The following DDX24 variants were observed in gnomAD, a reference collection of about 807,000 sequenced individuals.
DDX24 encodes ATP-dependent RNA helicase DDX24.
In DDX24, 24 loss-of-function variants were observed where a neutral mutation model predicts 68.9. The observed-to-expected ratio is 0.35, with a 90% CI of 0.25 to 0.49. DDX24 has a LOEUF of 0.49. DDX24 is among the 20% of genes least tolerant of loss of function. DDX24 has a pLI of 0.99. For missense variants in DDX24, 989 were observed against 1,039.0 expected (o/e 0.95, Z 0.66); for synonymous variants, 395 against 385.2 (o/e 1.03, Z -0.30).
rs1029367613 is a variant in DDX24 at position 94,049,271 on chromosome 14, C to G, written c.*1920G>C. On this transcript the variant is annotated 3_prime_UTR_variant, in exon 9 of 9. Transcript: ENST00000621632. ...TGGCTTCACTCCCACGGCTCAGGTG[C>G]CATTAGGGGATATTAAGCCCGCTTA... 2.0e-5 allele frequency: 3 copies of G among 152,220 alleles called. No individual in the cohort carries two copies. Among genetic ancestry groups the G allele is most frequent in the Non-Finnish European group, 4.4e-5 (3 of 68,040 alleles). 9.4% of individuals were successfully genotyped at this position (152,220 alleles called of 1,614,324 possible). A position where few individuals can be genotyped will look rare whatever the true frequency, so the allele number is the denominator to read the frequency against.
chr14:94,079,805 G>A, intron 1 of DDX24, 58 bp from the exon 2 acceptor site: 2 of 1,494,188 alleles, frequency 1.3e-6, no homozygotes, highest in South Asian at 1.2e-5. Context: ...GGGTTCTGAT[G>A]TAACAAATAT....
chr14:94,062,651 A>T, intron 2 of DDX24, 30 bp from the exon 3 acceptor site: 5 of 1,559,318 alleles, frequency 3.2e-6, no homozygotes, highest in Non-Finnish European at 4.3e-6. Context: ...AACAAAGTAA[A>T]AACAGTGTGA....
chr14:94,076,361 A>G (rs915205532), intron 2 of DDX24, among the ~76,000 whole-genome samples: 1 of 152,198 alleles, frequency 6.6e-6, no homozygotes, highest in Non-Finnish European at 1.5e-5. Context: ...AGTACATATT[A>G]TATGATTTCA....
chr14:94,062,201 C>T lies in DDX24; in HGVS notation c.1139G>A (p.Cys380Tyr). 6.2e-7 allele frequency: 1 copy of T among 1,614,150 alleles called. No individual in the cohort carries two copies. The part of the protein sequence containing the change: ...KQELDDKSAT[C>Y]KAYPKRPLLG... ...CAGAGGACGCTTTGGATATGCCTTA[C>T]AGGTGGCGCTTTTGTCATCCAACTC... The change falls in exon 3 of 9, where the codon TGT becomes TAT. Residue 380 changes from cysteine (C) to tyrosine (Y), a missense_variant. Physicochemically the swap from Cys to Tyr is radical, Grantham distance 194 (BLOSUM62 -2). Coordinates refer to ENST00000621632, the MANE Select transcript of DDX24 (RefSeq NM_020414.4).
At chr14:94,058,969 G>C (rs2141424676) in intron 5 of DDX24, among the ~76,000 whole-genome samples, 1 of 152,274 alleles carries the variant, frequency 6.6e-6, no homozygotes, top group African/African-American at 2.4e-5. Context: ...AGGTGTGATG[G>C]CATGCACTGG....
In DDX24 at chr14:94,060,268, G is replaced by A; in HGVS notation, c.1743C>T (p.Tyr581=). 2 of 1,614,222 alleles carry A rather than the reference G, an allele frequency of 1.2e-6. No individual in the cohort carries two copies. The highest frequency in any genetic ancestry group is 1.7e-6 in the Non-Finnish European group (2 of 1,180,044). The change falls in exon 5 of 9, where the codon TAC becomes TAT. Residue 581 remains tyrosine (Y), a synonymous_variant. Coordinates refer to ENST00000621632, the MANE Select transcript of DDX24 (RefSeq NM_020414.4). Reference sequence around the variant, plus strand: ...TGCGGCCTGGATACTGCATCAGGAAGTAGTACAAGTAGAAGTCTTTCTCAT... The same window carrying A: ...TGCGGCCTGGATACTGCATCAGGAAATAGTACAAGTAGAAGTCTTTCTCAT... ...ETDEKDFYLY[Y]FLMQYPGRSL...
chr14:94,060,801 G>A (rs1469896731), intron 4 of DDX24, 112 bp downstream of exon 4: 4 of 1,500,074 alleles, frequency 2.7e-6, no homozygotes, highest in Non-Finnish European at 3.6e-6. Context: ...GGGTCTGGAT[G>A]ATACCACACC....
intron 2 of DDX24, 101 bp downstream of exon 2, chr14:94,078,924 G>A: frequency 7.7e-7 from 1 of 1,301,438 alleles, no homozygotes; most frequent in Non-Finnish European, 1.1e-6. Context: ...TGCTTTTGTG[G>A]TTATGTTCTT....
In DDX24 at chr14:94,067,084, C is replaced by CA. The variant is rs549226807; in HGVS notation, c.719-4464dup. Among the ~76,000 whole-genome samples the CA allele has an allele frequency of 2.8e-3, 419 of 151,944 alleles. 2 individuals carry two copies. The highest frequency in any genetic ancestry group is 9.8e-3 in the African/African-American group (408 of 41,464). On this transcript the variant is annotated intron_variant, in intron 2 of 8. Transcript: ENST00000621632. ...GATAAAGTCTCAATGCAAGGAAATC[C>CA]AAAAAATGATACAAGAAGTGGAGGG...
Position 94,055,178 on chromosome 14 carries a change from G to A in DDX24, c.1996C>T (p.Arg666Cys), listed in dbSNP as rs781281886. 5.6e-6 allele frequency: 9 copies of A among 1,612,442 alleles called. No individual in the cohort carries two copies. The highest frequency in any genetic ancestry group is 5.0e-5 in the Admixed American group (3 of 59,980). ...VQHVIHYQVPRTSEIYVHRSG... is the reference protein window; with the variant it reads ...VQHVIHYQVPCTSEIYVHRSG... ...CGGTGGACATAAATCTCCGAGGTAC[G>A]TGGGACCTGCCACAGGAAGAACTGG... Residue 666 changes from arginine to cysteine, a missense_variant, in exon 7 of 9, where the codon CGT (arginine) becomes TGT (cysteine). Arg to Cys is a radical substitution (Grantham distance 180, BLOSUM62 -3). Coordinates refer to ENST00000621632, the MANE Select transcript of DDX24 (RefSeq NM_020414.4).
chr14:94,079,365 C>A lies in DDX24; in HGVS notation c.378G>T (p.Glu126Asp). Residue 126 changes from glutamate (E) to aspartate (D), a missense_variant, in exon 2 of 9, where the codon GAG becomes GAT. By Grantham distance (45) the Glu-to-Asp change is conservative. Transcript: ENST00000621632. Reference sequence around the variant, plus strand: ...CACAAACCATGTCATCTCCCTGGGCCTCCAGCTCAGGATCTTTCACTTCAA... The same window carrying A: ...CACAAACCATGTCATCTCCCTGGGCATCCAGCTCAGGATCTTTCACTTCAA... ...KEFEVKDPEL[E>D]AQGDDMVCDD... 1 of 1,614,052 alleles carries A rather than the reference C, an allele frequency of 6.2e-7. No homozygotes were observed. Among genetic ancestry groups the A allele is most frequent in the South Asian group, 1.1e-5 (1 of 91,080 alleles).
At chr14:94,080,718 A>AG (rs146409065) in intron 1 of DDX24, among the ~76,000 whole-genome samples, 1,798 of 151,900 alleles carry the variant, frequency 0.012, 38 homozygotes, top group African/African-American at 0.041. Context: ...AACAAACAAA[A>AG]AAAAACACAA....
intron 6 of DDX24, 35 bp from the exon 7 acceptor site, chr14:94,055,219 C>T (rs776210917): frequency 3.8e-6 from 6 of 1,597,734 alleles, no homozygotes; most frequent in Non-Finnish European, 3.4e-6. Context: ...CAATACATGG[C>T]CACTGCCAAA....
intron 5 of DDX24, 54 bp downstream of exon 5, chr14:94,060,044 T>A: frequency 6.5e-7 from 1 of 1,543,304 alleles, no homozygotes; most frequent in Non-Finnish European, 8.7e-7. Flanking sequence ...TCCTGACCCC[T>A]TTTACCCCAG....
chr14:94,068,968 A>G (rs1885772002), intron 2 of DDX24, among the ~76,000 whole-genome samples: 1 of 152,130 alleles, frequency 6.6e-6, no homozygotes, highest in Non-Finnish European at 1.5e-5. Flanking sequence ...AGAAACAAGA[A>G]CAAACCAAAC....
At chr14:94,052,615 G>C (rs1278533058) in intron 8 of DDX24, among the ~76,000 whole-genome samples, 4 of 152,224 alleles carry the variant, frequency 2.6e-5, no homozygotes, top group Admixed American at 2.0e-4. Context: ...ATCCCATGAA[G>C]TAGGTAGTTG....
chr14:94,069,709 A>C (rs751388979), intron 2 of DDX24, among the ~76,000 whole-genome samples: 1 of 152,238 alleles, frequency 6.6e-6, no homozygotes, highest in Non-Finnish European at 1.5e-5. Context: ...GGTTTAACAT[A>C]TGCAAGTCAA....
intron 3 of DDX24, among the ~76,000 whole-genome samples, chr14:94,061,493 C>T (rs143364927): frequency 1.1e-4 from 16 of 152,300 alleles, no homozygotes; most frequent in African/African-American, 3.6e-4. Flanking sequence ...CTGTTGTTTT[C>T]GTCTCTGGTG....
rs1420406866 is a variant in DDX24 at position 94,050,511 on chromosome 14, G to C, written c.*680C>G. 3 of 152,432 alleles carry C rather than the reference G, an allele frequency of 2.0e-5. No individual in the cohort carries two copies. The highest frequency in any genetic ancestry group is 2.9e-5 in the Non-Finnish European group (2 of 68,204). The allele number at this position is 152,432 out of a possible 1,614,324, so 9.4% of individuals were successfully genotyped here. A position where few individuals can be genotyped will look rare whatever the true frequency, so the allele number is the denominator to read the frequency against. On this transcript the variant is annotated 3_prime_UTR_variant, in exon 9 of 9. Coordinates refer to ENST00000621632, the MANE Select transcript of DDX24 (RefSeq NM_020414.4). Reference sequence around the variant, plus strand: ...AGGAGCCTGCTCTGTCAAACAGGAGGGAGTGGAGACAAGGCTGGGGCTAGA... The same window carrying C: ...AGGAGCCTGCTCTGTCAAACAGGAGCGAGTGGAGACAAGGCTGGGGCTAGA...
Sources: allele counts gnomAD v4.1 joint callset (sites outside exome capture counted in the v4.1 genomes callset), GRCh38; gene constraint gnomAD v4.1.1; transcripts MANE v1.5; gene names NCBI Gene and HGNC (gene_info 2026-07-23, HGNC 2026-07-21).